Variants in PRDM1 observed in about 807,000 individuals in gnomAD.
The protein encoded by PRDM1 is PR domain zinc finger protein 1.
In PRDM1, 13 loss-of-function variants were observed where a neutral mutation model predicts 62.8. That is an observed-to-expected ratio of 0.21 (90% CI 0.13 to 0.33). The LOEUF (loss-of-function observed/expected upper bound fraction) is 0.33, where lower values mean the gene tolerates loss of function less well. PRDM1 is among the 10% of genes least tolerant of loss of function. PRDM1 has a pLI of 1.00. For synonymous variants in PRDM1, 396 were observed against 417.6 expected (o/e 0.95, Z 0.63); for missense variants, 895 against 1,058.8 (o/e 0.85, Z 2.15).
In PRDM1 at chr6:106,108,703, A is replaced by G. The variant is rs539174583; in HGVS notation, c.*1217A>G. On this transcript the variant is annotated 3_prime_UTR_variant, in exon 7 of 7. Transcript: ENST00000369096. Reference sequence around the variant, plus strand: ...GAACATTCCTATCCCCAACACATCAATTGTATTTTTTCTGTAAAACTCAGA... The same window carrying G: ...GAACATTCCTATCCCCAACACATCAGTTGTATTTTTTCTGTAAAACTCAGA... The G allele has an allele frequency of 2.6e-5, 6 of 232,402 alleles. No homozygotes were observed. In the South Asian group the frequency reaches 1.1e-3, roughly 42 times the overall value. 14.4% of individuals were successfully genotyped at this position (232,402 alleles called of 1,614,324 possible). A position where few individuals can be genotyped will look rare whatever the true frequency, so the allele number is the denominator to read the frequency against.
chr6:106,087,511 C>T (rs548554687), intron 1 of PRDM1: 1 of 232,784 alleles, frequency 4.3e-6, no homozygotes, highest in Non-Finnish European at 8.5e-6. Context: ...ACCCATTTTT[C>T]CTCCTCTTTT....
intron 1 of PRDM1, among the ~76,000 whole-genome samples, chr6:106,008,628 A>G (rs1272050189): frequency 6.6e-6 from 1 of 152,166 alleles, no homozygotes; most frequent in Non-Finnish European, 1.5e-5. Flanking sequence ...CTCTCCCAGG[A>G]CAGGCAGGCA....
chr6:106,011,813 TACACACCCCC>T (rs1772552793), intron 1 of PRDM1, among the ~76,000 whole-genome samples: 2 of 151,832 alleles, frequency 1.3e-5, no homozygotes, highest in Admixed American at 6.6e-5. Flanking sequence ...GTCACTCACA[TACACACCCCC>T]ACACATTCAC....
chr6:106,061,405 C>T (rs1416868722), intron 1 of PRDM1, among the ~76,000 whole-genome samples: 1 of 152,068 alleles, frequency 6.6e-6, no homozygotes, highest in Non-Finnish European at 1.5e-5. Flanking sequence ...GAGTGCCTTC[C>T]AGCAGTTCAG....
Position 106,107,783 on chromosome 6 carries a change from T to C in PRDM1, c.*297T>C, listed in dbSNP as rs1774545565. 1 of 230,664 alleles carries C rather than the reference T, an allele frequency of 4.3e-6. No individual in the cohort carries two copies. The highest frequency in any genetic ancestry group is 8.6e-6 in the Non-Finnish European group (1 of 116,778). 14.3% of individuals were successfully genotyped at this position (230,664 alleles called of 1,614,324 possible). On this transcript the variant is annotated 3_prime_UTR_variant, in exon 7 of 7. Coordinates refer to ENST00000369096, the MANE Select transcript of PRDM1 (RefSeq NM_001198.4). Reference sequence around the variant, plus strand: ...TTTTGAATATTTGTGTGGACATGTTTGCATAGCCTTCCCATTACTAAGACT... The same window carrying C: ...TTTTGAATATTTGTGTGGACATGTTCGCATAGCCTTCCCATTACTAAGACT...
chr6:106,057,785 C>G (rs962795955), intron 1 of PRDM1, among the ~76,000 whole-genome samples: 1 of 152,166 alleles, frequency 6.6e-6, no homozygotes, highest in South Asian at 2.1e-4. Context: ...ATATGAAACT[C>G]AGTTTTTATT....
At position 106,107,439 on chromosome 6, in the gene PRDM1, G is replaced by T; in HGVS notation, c.2431G>T (p.Val811Leu). 6.2e-7 allele frequency: 1 copy of T among 1,613,742 alleles called. No individual in the cohort carries two copies. The highest frequency in any genetic ancestry group is 8.5e-7 in the Non-Finnish European group (1 of 1,179,912). Residue 811 changes from valine (V) to leucine (L), a missense_variant, in exon 7 of 7, where the codon GTA becomes TTA. Around this residue, in one of 4 missense-constraint regions of PRDM1, gnomAD observed 164 missense variants for 179.9 expected, o/e 0.91. Transcript: ENST00000369096. ...KLPPSNPLPL[V>L]PVKVKQETVE... is the part of the protein sequence containing the mutation. ...GCCTCCCAGCAACCCACTACCTCTG[G>T]TACCTGTAAAGGTCAAACAAGAAAC...
chr6:106,031,898 T>C (rs62420712), intron 1 of PRDM1, among the ~76,000 whole-genome samples: 6,462 of 152,200 alleles, frequency 0.042, 158 homozygotes, highest in Non-Finnish European at 0.058. Flanking sequence ...CATCCCAGTT[T>C]TGTTTTTTTA....
rs746866971 is a variant in PRDM1, at chr6:106,107,153, G to A, written c.2145G>A (p.Ala715=). 8.1e-6 allele frequency: 13 copies of A among 1,614,204 alleles called. No individual in the cohort carries two copies. Among genetic ancestry groups the A allele is most frequent in the South Asian group, 4.4e-5 (4 of 91,084 alleles). The part of the protein sequence containing the change: ...HLKGNCAAAP[A]PGLPLEDLTR... The stretch of plus-strand genomic sequence containing the variant: ...AAGGGAACTGCGCTGCGGCCCCGGC[G>A]CCTGGGCTGCCCTTGGAAGATCTGA... The change falls in exon 7 of 7, where the codon GCG becomes GCA. Residue 715 remains alanine (A), a synonymous_variant. Transcript: ENST00000369096.
intron 1 of PRDM1, among the ~76,000 whole-genome samples, chr6:106,003,766 G>T (rs1370890509): frequency 6.6e-6 from 1 of 152,166 alleles, no homozygotes; most frequent in African/African-American, 2.4e-5. Context: ...GGAATATAAA[G>T]AATCTGAAAG....
At chr6:106,068,355 G>T (rs1010603593) in intron 1 of PRDM1, among the ~76,000 whole-genome samples, 17 of 152,136 alleles carry the variant, frequency 1.1e-4, no homozygotes, top group Admixed American at 1.1e-3. Flanking sequence ...GCCTCCCAAA[G>T]TGCTGGGATT....
intron 1 of PRDM1, among the ~76,000 whole-genome samples, chr6:106,011,982 C>T (rs1350119642): frequency 6.7e-6 from 1 of 150,160 alleles, no homozygotes; most frequent in Non-Finnish European, 1.5e-5. Context: ...AAACATACCA[C>T]ACACACCACA....
chr6:106,069,136 A>G (rs1582448808), intron 1 of PRDM1, among the ~76,000 whole-genome samples: 2 of 152,334 alleles, frequency 1.3e-5, no homozygotes, highest in East Asian at 3.9e-4. Flanking sequence ...CCCTTCTGGC[A>G]TCTAGAGTTT....
intron 2 of PRDM1, among the ~76,000 whole-genome samples, chr6:106,095,053 A>AC (rs1451658099): frequency 7.4e-5 from 11 of 149,160 alleles, no homozygotes; most frequent in South Asian, 2.2e-4. Context: ...GAAAAAAAAA[A>AC]AACACACACA....
intron 3 of PRDM1, 134 bp from the exon 4 acceptor site, chr6:106,099,166 T>C: frequency 6.2e-7 from 1 of 1,604,302 alleles, no homozygotes; most frequent in Non-Finnish European, 8.5e-7. Flanking sequence ...CTGGCTAAAC[T>C]GATTGGATTC....
At chr6:106,043,589 A>G (rs1773033047), upstream of PRDM1, among the ~76,000 whole-genome samples, 1 of 152,068 alleles carries the variant, frequency 6.6e-6, no homozygotes, top group South Asian at 2.1e-4. Context: ...GCTGGAGTGC[A>G]ATGGCACGAT....
At chr6:106,091,805 T>C (rs1257377788) in intron 2 of PRDM1, among the ~76,000 whole-genome samples, 1 of 151,902 alleles carries the variant, frequency 6.6e-6, no homozygotes, top group Non-Finnish European at 1.5e-5. Flanking sequence ...GCCATTGCAC[T>C]CCAGCCCAGG....
chr6:106,039,358 T>C (rs1461846739), intron 1 of PRDM1, among the ~76,000 whole-genome samples: 1 of 152,228 alleles, frequency 6.6e-6, no homozygotes, highest in Admixed American at 6.5e-5. Context: ...TTGGTCCCTG[T>C]ATTCATAAAA....
At chr6:106,063,745 G>A (rs1773384117) in intron 1 of PRDM1, among the ~76,000 whole-genome samples, 1 of 152,168 alleles carries the variant, frequency 6.6e-6, no homozygotes, top group Non-Finnish European at 1.5e-5. Flanking sequence ...GACATGGAGG[G>A]TAGAAGGCAG....
Sources: allele counts gnomAD v4.1 joint callset (sites outside exome capture counted in the v4.1 genomes callset), GRCh38; gene constraint gnomAD v4.1.1; regional missense constraint gnomAD v4.1.1; transcripts MANE v1.5; gene names NCBI Gene and HGNC (gene_info 2026-07-23, HGNC 2026-07-21).